Variants in KL observed in about 807,000 individuals in gnomAD.
KL encodes the protein alpha-klotho.
KL carries 62 observed loss-of-function variants against 84.2 expected under a neutral mutation model. The observed-to-expected ratio is 0.74, with a 90% CI of 0.60 to 0.91. The LOEUF is 0.91. Among genes scored for constraint, KL ranks in the 40% least tolerant of loss-of-function variants. The pLI is 0.00. For missense variants in KL, 1,261 were observed against 1,305.7 expected (o/e 0.97, Z 0.53); for synonymous variants, 528 against 528.0 (o/e 1.00, Z 0.00).
At position 33,064,226 on chromosome 13, in the gene KL, T is replaced by C. The variant is rs1872324006; in HGVS notation, c.*40T>C. The C allele has an allele frequency of 7.0e-7, 1 of 1,424,990 alleles. No individual in the cohort carries two copies. The highest frequency in any genetic ancestry group is 9.8e-7 in the Non-Finnish European group (1 of 1,016,616). 88.3% of individuals were successfully genotyped at this position (1,424,990 alleles called of 1,614,324 possible). On this transcript the variant is annotated 3_prime_UTR_variant, in exon 5 of 5. Transcript: ENST00000380099. ...CTATTCATTCATTTTGAAATAATTA[T>C]GCAGACACATCAGCTGTTAACCATT...
Position 33,065,061 on chromosome 13 carries a change from G to A in KL, c.*875G>A, listed in dbSNP as rs1304040369. On this transcript the variant is annotated 3_prime_UTR_variant, in exon 5 of 5. Coordinates refer to ENST00000380099, the MANE Select transcript of KL (RefSeq NM_004795.4). ...TTATGTGCAACATTATGATTAATCT[G>A]ATTATACACCATTTTTGAGCAGATC... 4.4e-6 allele frequency: 1 copy of A among 228,256 alleles called. No individual in the cohort carries two copies. Among genetic ancestry groups the A allele is most frequent in the Non-Finnish European group, 8.7e-6 (1 of 114,940 alleles). 14.1% of individuals were successfully genotyped at this position (228,256 alleles called of 1,614,324 possible). A position where few individuals can be genotyped will look rare whatever the true frequency, so the allele number is the denominator to read the frequency against.
In KL at chr13:33,061,153, A is replaced by C. The variant is rs1377999739; in HGVS notation, c.2074A>C (p.Thr692Pro). Residue 692 changes from threonine to proline, a missense_variant, in exon 4 of 5, where the codon ACA (threonine) becomes CCA (proline). Thr to Pro is a conservative substitution (Grantham distance 38). Coordinates refer to ENST00000380099, the MANE Select transcript of KL (RefSeq NM_004795.4). ...TTGGATAACGATGAATGAGCCGTAT[A>C]CAAGGAATATGACATACAGTGCTGG... is the stretch of plus-strand genomic sequence containing the variant. ...KLWITMNEPY[T>P]RNMTYSAGHN... The C allele has an allele frequency of 1.2e-6, 2 of 1,614,138 alleles. No individual in the cohort carries two copies. The highest frequency in any genetic ancestry group is 1.7e-6 in the Non-Finnish European group (2 of 1,180,056).
chr13:33,063,040 A>C (rs1329701924), intron 4 of KL, among the ~76,000 whole-genome samples: 1 of 152,034 alleles, frequency 6.6e-6, no homozygotes, highest in Non-Finnish European at 1.5e-5. Context: ...GGGCCCTCTG[A>C]CGTCAAAAGA....
intron 1 of KL, among the ~76,000 whole-genome samples, chr13:33,038,575 A>G (rs1871223746): frequency 6.6e-6 from 1 of 152,248 alleles, no homozygotes; most frequent in Non-Finnish European, 1.5e-5. Context: ...AGAATAATTT[A>G]ATCAACTAGA....
chr13:33,017,061 G>T lies in KL; in HGVS notation c.621G>T (p.Trp207Cys). 2 of 1,601,850 alleles carry T rather than the reference G, an allele frequency of 1.2e-6. No individual in the cohort carries two copies. Among genetic ancestry groups the T allele is most frequent in the Non-Finnish European group, 8.5e-7 (1 of 1,178,284 alleles). ...GCCTGCAGGACGCCTACGGCGGCTG[G>T]GCCAACCGCGCCCTGGCCGACCACT... ...PQRLQDAYGG[W>C]ANRALADHFR... The change falls in exon 1 of 5, where the codon TGG (tryptophan) becomes TGT (cysteine). Residue 207 changes from tryptophan to cysteine, a missense_variant. Coordinates refer to ENST00000380099, the MANE Select transcript of KL (RefSeq NM_004795.4).
chr13:33,051,261 C>T (rs895801686), intron 1 of KL, among the ~76,000 whole-genome samples: 2 of 152,086 alleles, frequency 1.3e-5, no homozygotes, highest in Admixed American at 6.6e-5. Flanking sequence ...AGGCCAGGTG[C>T]GGTGGCTCAT....
chr13:33,054,652 C>T (rs1328134071), intron 2 of KL, among the ~76,000 whole-genome samples: 1 of 152,072 alleles, frequency 6.6e-6, no homozygotes, highest in African/African-American at 2.4e-5. Context: ...AAGGAATGTC[C>T]ATGTTTTCTA....
At chr13:33,057,791 ACTGAC>A (rs67300527) in intron 3 of KL, among the ~76,000 whole-genome samples, 82,547 of 151,352 alleles carry the variant, frequency 0.55, 23,050 homozygotes, top group Middle Eastern at 0.62. Context: ...TAACTCCCTA[ACTGAC>A]CTGACGTAGT....
Position 33,047,898 on chromosome 13 carries a change from C to A in KL, c.820-5869C>A, listed in dbSNP as rs114074078. ...ACATTATTTATTCTTATTATTATTCCATTTAGAATTAATATTGTTAATCCC... is the reference window on the plus strand; with the variant it reads ...ACATTATTTATTCTTATTATTATTCAATTTAGAATTAATATTGTTAATCCC... On this transcript the variant is annotated intron_variant, in intron 1 of 4. Coordinates refer to ENST00000380099, the MANE Select transcript of KL (RefSeq NM_004795.4). Among the ~76,000 whole-genome samples the A allele has an allele frequency of 5.8e-3, 876 of 151,822 alleles. 16 individuals carry two copies. The highest frequency in any genetic ancestry group is 0.019 in the African/African-American group (786 of 41,448).
intron 1 of KL, among the ~76,000 whole-genome samples, chr13:33,039,816 A>G (rs1871273473): frequency 6.6e-6 from 1 of 152,134 alleles, no homozygotes; most frequent in Non-Finnish European, 1.5e-5. Flanking sequence ...GTAATGAGAA[A>G]CTGACCTGGC....
Position 33,063,962 on chromosome 13 carries a change from G to C in KL, c.2815G>C (p.Ala939Pro). The C allele has an allele frequency of 6.2e-7, 1 of 1,614,124 alleles. No homozygotes were observed. The highest frequency in any genetic ancestry group is 2.2e-5 in the East Asian group (1 of 44,888). Residue 939 changes from alanine (A) to proline (P), a missense_variant, in exon 5 of 5, where the codon GCA becomes CCA. Physicochemically the swap from Ala to Pro is conservative, Grantham distance 27. Coordinates refer to ENST00000380099, the MANE Select transcript of KL (RefSeq NM_004795.4). The part of the protein sequence containing the change: ...RYAADQFEPK[A>P]SMKHYRKIID... Reference sequence around the variant, plus strand: ...TGCTGCAGATCAGTTTGAGCCCAAGGCATCCATGAAACATTACAGGAAAAT... The same window carrying C: ...TGCTGCAGATCAGTTTGAGCCCAAGCCATCCATGAAACATTACAGGAAAAT...
chr13:33,016,363 CGGTGGGCG>C, upstream of KL: 1 of 160,130 alleles, frequency 6.2e-6, no homozygotes, highest in Non-Finnish European at 1.3e-5. Context: ...GGCGCGCCGG[CGGTGGGCG>C]GGCGGGCGCG....
At chr13:33,048,392 T>C (rs1871617064) in intron 1 of KL, among the ~76,000 whole-genome samples, 2 of 152,222 alleles carry the variant, frequency 1.3e-5, no homozygotes, top group Admixed American at 6.5e-5. Context: ...GCTGGATGCC[T>C]GAAGTGCTCA....
intron 1 of KL, among the ~76,000 whole-genome samples, chr13:33,035,228 A>G (rs926047694): frequency 7.9e-5 from 12 of 152,210 alleles, no homozygotes; most frequent in African/African-American, 2.4e-4. Context: ...TTTGGGTGAA[A>G]AGCGTTCTCT....
chr13:33,054,990 A>G, intron 2 of KL, 57 bp from the exon 3 acceptor site: 1 of 1,611,606 alleles, frequency 6.2e-7, no homozygotes, highest in Non-Finnish European at 8.5e-7. Flanking sequence ...CTCTTGAACC[A>G]TGATGCAAGT....
At chr13:33,056,738 G>A (rs1405447321) in intron 3 of KL, among the ~76,000 whole-genome samples, 1 of 152,008 alleles carries the variant, frequency 6.6e-6, no homozygotes, top group Non-Finnish European at 1.5e-5. Context: ...CCCAGGAGGC[G>A]GAGCTTGCAG....
chr13:33,020,918 A>C (rs1466647211), intron 1 of KL, among the ~76,000 whole-genome samples: 1 of 152,252 alleles, frequency 6.6e-6, no homozygotes, highest in Non-Finnish European at 1.5e-5. Context: ...TTCTGGAGCC[A>C]GCTAACACGC....
At chr13:33,046,488 C>T (rs1017476281) in intron 1 of KL, among the ~76,000 whole-genome samples, 1 of 152,066 alleles carries the variant, frequency 6.6e-6, no homozygotes, top group African/African-American at 2.4e-5. Context: ...AGGTCAGTTA[C>T]CACTTTCTTT....
intron 1 of KL, among the ~76,000 whole-genome samples, chr13:33,018,975 C>T (rs1003504339): frequency 5.3e-5 from 8 of 152,186 alleles, no homozygotes; most frequent in Non-Finnish European, 1.2e-4. Flanking sequence ...TTTGCCCACT[C>T]ATGGCCCTCT....
Sources: allele counts gnomAD v4.1 joint callset (sites outside exome capture counted in the v4.1 genomes callset), GRCh38; gene constraint gnomAD v4.1.1; transcripts MANE v1.5; gene names NCBI Gene and HGNC (gene_info 2026-07-23, HGNC 2026-07-21).